The following MGAM variants were observed in gnomAD, a reference collection of about 807,000 sequenced individuals.
MGAM encodes the protein maltase-glucoamylase.
MGAM carries 253 observed loss-of-function variants against 358.8 expected under a neutral mutation model. The observed-to-expected ratio is 0.71, with a 90% confidence interval of 0.64 to 0.78. MGAM has a LOEUF of 0.78. MGAM is among the 30% of genes least tolerant of loss of function. The pLI, the probability that MGAM is intolerant of heterozygous loss-of-function variation, is 0.00. For missense variants in MGAM, 3,080 were observed against 3,432.6 expected, an observed-to-expected ratio of 0.90 and a Z score of 2.57; for synonymous variants, 1,105 against 1,227.1, an observed-to-expected ratio of 0.90 and a Z score of 2.08.
At chr7:142,099,514 C>CAT in intron 66 of MGAM, 99 bp from the exon 67 acceptor site, 2 of 1,573,538 alleles carry the variant, frequency 1.3e-6, no homozygotes, top group Non-Finnish European at 1.7e-6. Context: ...GATGAGCAGG[C>CAT]ATAAGTTCAG....
At chr7:142,007,629 T>G (rs782728844) in intron 2 of MGAM, among the ~76,000 whole-genome samples, 1 of 152,212 alleles carries the variant, frequency 6.6e-6, no homozygotes, top group African/African-American at 2.4e-5. Flanking sequence ...TCATTATTAA[T>G]TTATTGCAGA....
intron 3 of MGAM, among the ~76,000 whole-genome samples, chr7:142,013,234 C>T (rs782669086): frequency 2.6e-5 from 4 of 151,910 alleles, no homozygotes; most frequent in African/African-American, 7.3e-5. Context: ...GAGGAGTCAG[C>T]ACTGGGAATA....
chr7:142,016,174 G>A (rs1158921260), intron 3 of MGAM, among the ~76,000 whole-genome samples: 1 of 152,094 alleles, frequency 6.6e-6, no homozygotes, highest in Non-Finnish European at 1.5e-5. Flanking sequence ...GTGTTAAGAA[G>A]CATTGGGAAT....
At chr7:142,047,635 G>T in intron 21 of MGAM, 150 bp from the exon 22 acceptor site, 1 of 693,316 alleles carries the variant, frequency 1.4e-6, no homozygotes, top group South Asian at 1.6e-5. Flanking sequence ...AGATAGGGGC[G>T]CCTGTCAATT....
chr7:142,086,035 T>C, intron 55 of MGAM, 74 bp downstream of exon 55: 1 of 1,515,308 alleles, frequency 6.6e-7, no homozygotes. Context: ...TGTTATACTT[T>C]ATTTCCATGT....
intron 43 of MGAM, among the ~76,000 whole-genome samples, chr7:142,070,589 T>C (rs1004604726): frequency 2.1e-5 from 3 of 145,772 alleles, no homozygotes; most frequent in Non-Finnish European, 4.7e-5. Context: ...TTCTGCTAAA[T>C]ATCAAAAGGC....
intron 26 of MGAM, among the ~76,000 whole-genome samples, 177 bp from the exon 27 acceptor site, chr7:142,054,577 T>C (rs1274016129): frequency 6.6e-6 from 1 of 152,092 alleles, no homozygotes; most frequent in East Asian, 1.9e-4. Context: ...TAATGAGAAA[T>C]CACAGAAAAA....
intron 57 of MGAM, among the ~76,000 whole-genome samples, chr7:142,091,627 C>CGAAT (rs966422996): frequency 1.4e-5 from 2 of 145,988 alleles, no homozygotes; most frequent in African/African-American, 2.4e-5. Flanking sequence ...GGTTGGGCAT[C>CGAAT]GAATGCATGA....
intron 47 of MGAM, among the ~76,000 whole-genome samples, chr7:142,077,081 G>T (rs1339373653): frequency 6.9e-6 from 1 of 145,560 alleles, no homozygotes; most frequent in Non-Finnish European, 1.6e-5. Flanking sequence ...GGTTTCACTT[G>T]CTTTTCCCAA....
intron 64 of MGAM, 159 bp downstream of exon 64, chr7:142,095,872 A>G: frequency 1.8e-6 from 2 of 1,106,564 alleles, no homozygotes; most frequent in Non-Finnish European, 2.6e-6. Flanking sequence ...AGTGCTATAC[A>G]TGCCTTAGGT....
intron 22 of MGAM, among the ~76,000 whole-genome samples, chr7:142,048,362 A>T (rs1416250832): frequency 2.0e-5 from 3 of 151,538 alleles, no homozygotes; most frequent in Non-Finnish European, 4.4e-5. Context: ...GTTAGCCAGG[A>T]TGATCTCGAT....
At chr7:142,053,294 G>A (rs1811192265) in intron 26 of MGAM, among the ~76,000 whole-genome samples, 1 of 152,076 alleles carries the variant, frequency 6.6e-6, no homozygotes, top group African/African-American at 2.4e-5. Context: ...GTGGAATGCA[G>A]GTGGAGAACA....
chr7:142,101,627 C>T (rs553266818), intron 68 of MGAM, among the ~76,000 whole-genome samples: 3 of 151,436 alleles, frequency 2.0e-5, no homozygotes, highest in Non-Finnish European at 4.4e-5. Context: ...CCAGCACAGT[C>T]GAGCTCAGTG....
chr7:142,105,216 A>G (rs1343991368), intron 70 of MGAM, among the ~76,000 whole-genome samples: 3 of 152,168 alleles, frequency 2.0e-5, no homozygotes, highest in African/African-American at 4.8e-5. Flanking sequence ...AGGAAAATCA[A>G]CACCTCAGTA....
In MGAM at chr7:142,067,986, A is replaced by ATTTTTTTTTTTTT. The variant is rs71913806; in HGVS notation, c.5004+568_5004+580dup. Among the ~76,000 whole-genome samples, 2 of 8,690 alleles carry ATTTTTTTTTTTTT rather than the reference A, an allele frequency of 2.3e-4. 1 individual carries two copies. The highest frequency in any genetic ancestry group is 9.1e-4 in the Non-Finnish European group (2 of 2,186). 5.7% of individuals were successfully genotyped at this position (8,690 alleles called of 152,430 possible). A position where few individuals can be genotyped will look rare whatever the true frequency, so the allele number is the denominator to read the frequency against. ...TATAAATATATATATATATATATAT[A>ATTTTTTTTTTTTT]TTTTTTTTTTTTTTTTTTTGAGACA... On this transcript the variant is annotated intron_variant, in intron 42 of 70. Transcript: ENST00000475668.
chr7:142,027,610 C>A lies in MGAM; in HGVS notation c.1096C>A (p.Leu366Ile). The A allele has an allele frequency of 1.2e-6, 2 of 1,612,618 alleles. No individual in the cohort carries two copies. Among genetic ancestry groups the A allele is most frequent in the Non-Finnish European group, 1.7e-6 (2 of 1,179,428 alleles). ...TTTTCACTTCACATATTTCTTTCAG[C>A]TCATTGGGCGGCCAGCCCTTCCCTC... ...PEQVVQEYLE[L>I]IGRPALPSYW... The change falls in exon 10 of 71, where the codon CTC becomes ATC. Residue 366 changes from leucine (L) to isoleucine (I), a missense_variant and splice_region_variant. Physicochemically the swap from Leu to Ile is conservative, Grantham distance 5. This residue lies in a region of MGAM where 1,816 missense variants were observed against 1,840.5 expected (regional missense o/e 0.99). Coordinates refer to ENST00000475668, the MANE Select transcript of MGAM (RefSeq NM_001365693.1).
chr7:142,047,798 C>G lies in MGAM; in HGVS notation c.2512C>G (p.Leu838Val). ...TTTLASRKNP[L>V]GLIIALDENK... ...TGTTCCCCACAGTCGAAAGAACCCT[C>G]TTGGTCTTATCATTGCCCTAGATGA... Residue 838 changes from leucine (L) to valine (V), a missense_variant, in exon 22 of 71, where the codon CTT becomes GTT. By Grantham distance (32) the Leu-to-Val change is conservative. Coordinates refer to ENST00000475668, the MANE Select transcript of MGAM (RefSeq NM_001365693.1). The G allele has an allele frequency of 1.9e-6, 3 of 1,612,702 alleles. No homozygotes were observed. The highest frequency in any genetic ancestry group is 2.5e-6 in the Non-Finnish European group (3 of 1,178,832).
chr7:142,023,146 A>T (rs1346035073), intron 7 of MGAM, among the ~76,000 whole-genome samples: 1 of 151,968 alleles, frequency 6.6e-6, no homozygotes, highest in Non-Finnish European at 1.5e-5. Flanking sequence ...TTTAGCCTCA[A>T]CCTCTCTGGG....
Position 142,027,680 on chromosome 7 carries a change from C to A in MGAM, c.1166C>A (p.Thr389Asn), listed in dbSNP as rs781964893. ...GFHLSRYEYGTLDNMREVVER... is the reference protein window; with the variant it reads ...GFHLSRYEYGNLDNMREVVER... ...CACCTCAGTCGTTACGAATATGGAA[C>A]CTTAGACAACATGAGGGAAGTCGTG... Residue 389 changes from threonine to asparagine, a missense_variant, in exon 10 of 71, where the codon ACC (threonine) becomes AAC (asparagine). Physicochemically the swap from Thr to Asn is moderately conservative, Grantham distance 65. Transcript: ENST00000475668. The A allele has an allele frequency of 3.7e-6, 6 of 1,613,640 alleles. No individual in the cohort carries two copies. Among genetic ancestry groups the A allele is most frequent in the Admixed American group, 1.7e-5 (1 of 59,998 alleles).
Sources: allele counts gnomAD v4.1 joint callset (sites outside exome capture counted in the v4.1 genomes callset), GRCh38; gene constraint gnomAD v4.1.1; regional missense constraint gnomAD v4.1.1; transcripts MANE v1.5; gene names NCBI Gene and HGNC (gene_info 2026-07-23, HGNC 2026-07-21).